SPATA6: variants seen among roughly 807,000 people sequenced by gnomAD.
SPATA6 encodes the protein spermatogenesis-associated protein 6.
Under a neutral mutation model 65.3 loss-of-function variants are expected in SPATA6, and 56 were observed. The ratio of observed to expected loss-of-function variants is 0.86; its 90% CI spans 0.69 to 1.07. The LOEUF is 1.07. Among genes scored for constraint, SPATA6 ranks in the 50% least tolerant of loss-of-function variants. SPATA6 has a pLI of 0.00. For missense variants in SPATA6, 590 were observed against 594.8 expected (o/e 0.99, Z 0.08); for synonymous variants, 199 against 213.2 (o/e 0.93, Z 0.58).
chr1:48,365,506 G>A (rs545068950), intron 9 of SPATA6, among the ~76,000 whole-genome samples: 5 of 149,336 alleles, frequency 3.3e-5, no homozygotes, highest in Admixed American at 3.3e-4. Flanking sequence ...CCTTGAAGAG[G>A]TCCTTCACAT....
At position 48,451,483 on chromosome 1, in the gene SPATA6, T is replaced by C. The variant is rs551157772; in HGVS notation, c.238+69A>G. On this transcript the variant is annotated intron_variant, in intron 3 of 12. Coordinates refer to ENST00000371847, the MANE Select transcript of SPATA6 (RefSeq NM_019073.4). ...TTTTAAACTTTTATTTAACCCAAGA[T>C]TAAAGATCATAAGGATAATAAATCC... The C allele has an allele frequency of 6.8e-6, 10 of 1,467,624 alleles. No homozygotes were observed. The South Asian group carries it at 1.3e-4, about 19-fold the overall frequency. 90.9% of individuals were successfully genotyped at this position (1,467,624 alleles called of 1,614,324 possible).
At chr1:48,343,391 T>C (rs547778915) in intron 11 of SPATA6, among the ~76,000 whole-genome samples, 1 of 152,204 alleles carries the variant, frequency 6.6e-6, no homozygotes, top group South Asian at 2.1e-4. Context: ...AACAAAATAT[T>C]ATGAACACTA....
intron 1 of SPATA6, 117 bp from the exon 2 acceptor site, chr1:48,453,248 A>ACT (rs1656740869): frequency 1.8e-6 from 2 of 1,131,544 alleles, no homozygotes; most frequent in Non-Finnish European, 2.4e-6. Flanking sequence ...AATAAAAAAT[A>ACT]CTCACAAATA....
downstream of SPATA6, among the ~76,000 whole-genome samples, chr1:48,291,926 T>A (rs146096278): frequency 6.6e-6 from 1 of 152,324 alleles, no homozygotes; most frequent in African/African-American, 2.4e-5. Context: ...GTTTTTTAAA[T>A]CTCTTTGTTG....
chr1:48,292,068 T>C (rs947344874), downstream of SPATA6, among the ~76,000 whole-genome samples: 2 of 152,230 alleles, frequency 1.3e-5, no homozygotes, highest in African/African-American at 4.8e-5. Context: ...CCCATTTCTT[T>C]GGGGTCAGTT....
chr1:48,380,422 G>A (rs914069366), intron 9 of SPATA6, among the ~76,000 whole-genome samples: 7 of 152,132 alleles, frequency 4.6e-5, no homozygotes, highest in African/African-American at 2.4e-5. Context: ...CGATGAGAGT[G>A]GAAAGGAATT....
At chr1:48,312,020 G>A (rs1265405580) in intron 11 of SPATA6, among the ~76,000 whole-genome samples, 1 of 152,208 alleles carries the variant, frequency 6.6e-6, no homozygotes, top group African/African-American at 2.4e-5. Flanking sequence ...GAGGCTGGGG[G>A]AGGGGCGCCC....
chr1:48,302,049 A>G (rs1211039286), intron 12 of SPATA6, among the ~76,000 whole-genome samples: 1 of 152,160 alleles, frequency 6.6e-6, no homozygotes, highest in Non-Finnish European at 1.5e-5. Context: ...TACATGTCTC[A>G]GAGTTTTTGT....
At chr1:48,369,876 G>A (rs778929760) in intron 9 of SPATA6, among the ~76,000 whole-genome samples, 67 of 152,292 alleles carry the variant, frequency 4.4e-4, no homozygotes, top group Non-Finnish European at 5.4e-4. Flanking sequence ...CGTCGCTCAC[G>A]CTGGGAGCTG....
intron 9 of SPATA6, among the ~76,000 whole-genome samples, chr1:48,375,946 T>C (rs534881887): frequency 6.6e-6 from 1 of 152,314 alleles, no homozygotes; most frequent in African/African-American, 2.4e-5. Flanking sequence ...TATTTCCTAA[T>C]TGCTATGACA....
chr1:48,422,632 T>C (rs1162701406), intron 3 of SPATA6, among the ~76,000 whole-genome samples: 1 of 152,178 alleles, frequency 6.6e-6, no homozygotes, highest in Non-Finnish European at 1.5e-5. Context: ...TTGCTAGTAC[T>C]ACTAGCAACC....
intron 3 of SPATA6, among the ~76,000 whole-genome samples, chr1:48,443,653 C>T (rs890381969): frequency 1.3e-5 from 2 of 152,138 alleles, no homozygotes; most frequent in African/African-American, 4.8e-5. Flanking sequence ...TTACACTAAC[C>T]AGTCAGGGAT....
chr1:48,389,503 T>C (rs1255215399), intron 8 of SPATA6, among the ~76,000 whole-genome samples: 1 of 151,820 alleles, frequency 6.6e-6, no homozygotes, highest in Non-Finnish European at 1.5e-5. Flanking sequence ...CTAAAGTCAA[T>C]GACAAAAAAA....
intron 3 of SPATA6, among the ~76,000 whole-genome samples, chr1:48,446,245 A>G (rs968424900): frequency 6.6e-6 from 1 of 152,206 alleles, no homozygotes; most frequent in Non-Finnish European, 1.5e-5. Flanking sequence ...ACTGAAAAAG[A>G]AATCACTCTA....
intron 3 of SPATA6, among the ~76,000 whole-genome samples, chr1:48,419,453 C>A (rs968768527): frequency 6.6e-5 from 10 of 152,062 alleles, no homozygotes; most frequent in South Asian, 2.1e-4. Flanking sequence ...GGTGGAAATG[C>A]ACAACATGTT....
intron 9 of SPATA6, among the ~76,000 whole-genome samples, chr1:48,361,395 G>A (rs1172831225): frequency 6.6e-6 from 1 of 152,030 alleles, no homozygotes; most frequent in African/African-American, 2.4e-5. Flanking sequence ...ACAGACCTTT[G>A]GATGTTAGTA....
At chr1:48,431,849 G>A (rs766186793) in intron 3 of SPATA6, among the ~76,000 whole-genome samples, 1 of 152,188 alleles carries the variant, frequency 6.6e-6, no homozygotes, top group East Asian at 1.9e-4. Context: ...AGCGACTCAC[G>A]CATGTAATCC....
intron 11 of SPATA6, among the ~76,000 whole-genome samples, chr1:48,337,144 T>C (rs1646083022): frequency 6.6e-6 from 1 of 151,912 alleles, no homozygotes; most frequent in East Asian, 1.9e-4. Flanking sequence ...GCAAAAATCT[T>C]AGGTATAATA....
At chr1:48,305,495 G>A (rs1433791385) in intron 12 of SPATA6, among the ~76,000 whole-genome samples, 1 of 152,006 alleles carries the variant, frequency 6.6e-6, no homozygotes, top group African/African-American at 2.4e-5. Context: ...GGTTCATGGT[G>A]TAAAATTATA....
Sources: allele counts gnomAD v4.1 joint callset (sites outside exome capture counted in the v4.1 genomes callset), GRCh38; gene constraint gnomAD v4.1.1; transcripts MANE v1.5; gene names NCBI Gene and HGNC (gene_info 2026-07-23, HGNC 2026-07-21).